G6PD: variants seen among roughly 807,000 people sequenced by gnomAD.
G6PD encodes glucose-6-phosphate 1-dehydrogenase.
A neutral mutation model predicts 38.2 loss-of-function variants in G6PD; 2 were observed. The observed-to-expected ratio is 0.05, with a 90% confidence interval of 0.02 to 0.16. The LOEUF (loss-of-function observed/expected upper bound fraction) is 0.16, where lower values mean the gene tolerates loss of function less well. Ranked by LOEUF, G6PD falls within the 10% of genes least tolerant of loss-of-function variation. G6PD has a pLI of 1.00. For synonymous variants in G6PD, 188 were observed against 196.0 expected (o/e 0.96, Z 0.34); for missense variants, 310 against 471.6 (o/e 0.66, Z 3.17).
At chrX:154,535,474 C>G (rs2070397651) in intron 4 of G6PD, 89 bp from the exon 5 acceptor site, 1 of 884,668 alleles carries the variant, frequency 1.1e-6, no homozygotes, top group African/African-American at 2.0e-5. Context: ...AGTGGAGGGT[C>G]TTCCCTGGAG....
At chrX:154,533,304 GGT>G (rs2070364298) in intron 8 of G6PD, 176 bp from the exon 9 acceptor site, 6 of 533,635 alleles carry the variant, frequency 1.1e-5, no homozygotes, top group African/African-American at 2.3e-5. Context: ...GGACCACCCT[GGT>G]CCATCTCGAG....
intron 5 of G6PD, 89 bp downstream of exon 5, chrX:154,535,052 GCCCCGGCACCATGGATGCTGCCCAGAT>G: frequency 1.4e-6 from 1 of 740,251 alleles, no homozygotes. Context: ...GCTGGGGATG[GCCCCGGCACCATGGATGCTGCCCAGAT>G]CCCCGGCCCC....
At chrX:154,546,753 C>G (rs782562909) in intron 1 of G6PD, 36 bp downstream of exon 1, 1 of 1,091,974 alleles carries the variant, frequency 9.2e-7, no homozygotes, top group African/African-American at 1.8e-5. Flanking sequence ...GGACAGTACG[C>G]TCCTCCGCCT....
In G6PD at chrX:154,531,835, T is replaced by C; in HGVS notation, c.*165A>G. On this transcript the variant is annotated 3_prime_UTR_variant, in exon 13 of 13. Coordinates refer to ENST00000393562, the MANE Select transcript of G6PD (RefSeq NM_001360016.2). Reference sequence around the variant, plus strand: ...TCGAGTGCTTGGCAGCTGAGGAATGTAGCTGGGCTCGGGTAGTAGCAGCAG... The same window carrying C: ...TCGAGTGCTTGGCAGCTGAGGAATGCAGCTGGGCTCGGGTAGTAGCAGCAG... 1 of 870,933 alleles carries C rather than the reference T, an allele frequency of 1.1e-6. No individual in the cohort carries two copies. The highest frequency in any genetic ancestry group is 1.6e-6 in the Non-Finnish European group (1 of 625,074). 71.8% of individuals were successfully genotyped at this position (870,933 alleles called of 1,213,427 possible). A position where few individuals can be genotyped will look rare whatever the true frequency, so the allele number is the denominator to read the frequency against.
At chrX:154,533,355 G>A in intron 8 of G6PD, 1 of 496,666 alleles carries the variant, frequency 2.0e-6, no homozygotes, top group Non-Finnish European at 3.4e-6. Flanking sequence ...GAGAGGCAAT[G>A]GCCTTCCCTG....
At chrX:154,534,796 G>A (rs1394827525) in intron 5 of G6PD, among the ~76,000 whole-genome samples, 2 of 111,781 alleles carry the variant, frequency 1.8e-5, no homozygotes, top group Non-Finnish European at 3.8e-5. Context: ...GGGAGCAGGG[G>A]GAGGAGGCAT....
At position 154,546,790 on chromosome X, in the gene G6PD, T is replaced by C. The variant is rs1173879624; in HGVS notation, c.-10A>G. The stretch of plus-strand genomic sequence containing the variant: ...CGCGGCGCCCGCCCGGCCGGTTACC[T>C]GCGCTTCGTCGTCGTCGCCCTCCGC... On this transcript the variant is annotated splice_region_variant and 5_prime_UTR_variant, in exon 1 of 13. Coordinates refer to ENST00000393562, the MANE Select transcript of G6PD (RefSeq NM_001360016.2). The C allele has an allele frequency of 6.0e-6, 7 of 1,159,303 alleles. No homozygotes were observed. The African/African-American group carries it at 1.1e-4, about 18-fold the overall frequency.
In G6PD at chrX:154,545,983, G is replaced by A. The variant is rs1031369619; in HGVS notation, c.120+53C>T. The stretch of plus-strand genomic sequence containing the variant: ...GCAACAATTAGTTGGAAAAGCTGAG[G>A]CATGGAGCAGGCACTTCCTGGCTTT... On this transcript the variant is annotated intron_variant, in intron 2 of 12. Coordinates refer to ENST00000393562, the MANE Select transcript of G6PD (RefSeq NM_001360016.2). The A allele has an allele frequency of 4.1e-5, 49 of 1,199,020 alleles. No homozygotes were observed. In the Middle Eastern group the frequency reaches 6.9e-4, roughly 17 times the overall value.
At position 154,532,497 on chromosome X, in the gene G6PD, C is replaced by T. The variant is rs782237986; in HGVS notation, c.1288-35G>A. The T allele has an allele frequency of 9.9e-6, 12 of 1,206,852 alleles. No homozygotes were observed. The Admixed American group carries it at 2.6e-4, about 26-fold the overall frequency. ...AGAGAGTGTCTTGCTGATGCCACTGCCTGCCACCATGTGGAGTCCCCCGGG... is the reference window on the plus strand; with the variant it reads ...AGAGAGTGTCTTGCTGATGCCACTGTCTGCCACCATGTGGAGTCCCCCGGG... On this transcript the variant is annotated intron_variant, in intron 10 of 12. Coordinates refer to ENST00000393562, the MANE Select transcript of G6PD (RefSeq NM_001360016.2).
intron 2 of G6PD, among the ~76,000 whole-genome samples, chrX:154,538,397 TAAAA>T (rs1557231198): frequency 8.9e-6 from 1 of 112,171 alleles, no homozygotes; most frequent in African/African-American, 3.2e-5. Context: ...CATCTGTAAA[TAAAA>T]AGTTGGTTTG....
chrX:154,543,323 C>A (rs1436773330), intron 2 of G6PD, among the ~76,000 whole-genome samples: 2 of 112,639 alleles, frequency 1.8e-5, no homozygotes, highest in East Asian at 2.8e-4. Flanking sequence ...CAACCCGAAG[C>A]TGGCCACAGG....
At chrX:154,538,415 T>G (rs1557231201) in intron 2 of G6PD, among the ~76,000 whole-genome samples, 1 of 112,403 alleles carries the variant, frequency 8.9e-6, no homozygotes, top group African/African-American at 3.2e-5. Context: ...TGGTTTGATA[T>G]TAACAGAAAA....
intron 1 of G6PD, 102 bp downstream of exon 1, chrX:154,546,687 C>T: frequency 4.3e-6 from 3 of 704,481 alleles, no homozygotes; most frequent in South Asian, 2.5e-5. Context: ...CTCGATTCTG[C>T]TCGGTTCTCA....
At chrX:154,547,191 C>T, upstream of G6PD, 1 of 342,360 alleles carries the variant, frequency 2.9e-6, no homozygotes, top group Non-Finnish European at 3.8e-6. Context: ...CCGGCGGCCT[C>T]GCGCGCTCGC....
chrX:154,532,915 T>A (rs781980753), intron 9 of G6PD, 27 bp downstream of exon 9: 1 of 1,208,830 alleles, frequency 8.3e-7, no homozygotes, highest in South Asian at 1.8e-5. Context: ...CAGTTCTGCC[T>A]TGCTGGGCCT....
At position 154,536,146 on chromosome X, in the gene G6PD, G is replaced by A. The variant is rs2070406324; in HGVS notation, c.153C>T (p.Thr51=). 2.5e-6 allele frequency: 3 copies of A among 1,209,966 alleles called. No homozygotes were observed. The highest frequency in any genetic ancestry group is 3.4e-6 in the Non-Finnish European group (3 of 894,934). ...CAGTGGTGGGACACACTTACCAGAT[G>A]GTGGGGTAGATCTTCTTCTTGGCCA... ...GDLAKKKIYP[T]IWWLFRDGLL... is the part of the protein sequence containing the mutation. The change falls in exon 3 of 13, where the codon ACC becomes ACT. Residue 51 remains threonine (T), a synonymous_variant. Transcript: ENST00000393562.
At chrX:154,546,001 C>T (rs1557233129) in intron 2 of G6PD, 35 bp downstream of exon 2, 1 of 1,208,200 alleles carries the variant, frequency 8.3e-7, no homozygotes, top group Non-Finnish European at 1.1e-6. Context: ...CAGGCACTTC[C>T]TGGCTTTTAA....
chrX:154,538,222 T>C (rs2148333605), intron 2 of G6PD, among the ~76,000 whole-genome samples: 1 of 111,138 alleles, frequency 9.0e-6, no homozygotes, highest in East Asian at 2.8e-4. Flanking sequence ...CTTGAACTCC[T>C]GGGCTCAAGT....
intron 2 of G6PD, among the ~76,000 whole-genome samples, chrX:154,539,582 T>C (rs782242454): frequency 1.1e-3 from 125 of 110,934 alleles, no homozygotes; most frequent in African/African-American, 4.0e-3. Flanking sequence ...GGCCAGTGAC[T>C]GTGAGAGCCC....
Sources: gnomAD v4.1 joint callset for allele counts (sites outside exome capture counted in the v4.1 genomes callset) on GRCh38, gnomAD v4.1.1 for gene constraint, MANE v1.5 for transcripts, NCBI Gene and HGNC (gene_info 2026-07-23, HGNC 2026-07-21) for gene names.